The following ZNF385D variants were observed in gnomAD, a reference collection of about 807,000 sequenced individuals.
ZNF385D encodes the protein zinc finger protein 385D, also known as zinc finger protein 659.
ZNF385D carries 15 observed loss-of-function variants against 35.8 expected under a neutral mutation model. The ratio of observed to expected loss-of-function variants is 0.42; its 90% CI spans 0.28 to 0.64. The LOEUF (loss-of-function observed/expected upper bound fraction) is 0.64. Among genes scored for constraint, ZNF385D ranks in the 30% least tolerant of loss-of-function variants. ZNF385D has a pLI of 0.23. For missense variants in ZNF385D, 474 were observed against 494.6 expected (o/e 0.96, Z 0.39); for synonymous variants, 212 against 186.8 (o/e 1.13, Z -1.10).
chr3:21,569,312 T>C (rs1258202446), intron 2 of ZNF385D, among the ~76,000 whole-genome samples: 2 of 149,106 alleles, frequency 1.3e-5, no homozygotes, highest in African/African-American at 5.0e-5. Flanking sequence ...TTTACCATTA[T>C]GTAATGGCCT....
At chr3:21,455,062 G>A (rs1370070379) in intron 4 of ZNF385D, among the ~76,000 whole-genome samples, 4 of 151,958 alleles carry the variant, frequency 2.6e-5, no homozygotes, top group Non-Finnish European at 4.4e-5. Context: ...AGAACTACAA[G>A]CCACTGCTCA....
intron 3 of ZNF385D, among the ~76,000 whole-genome samples, chr3:21,945,145 C>CAT (rs1553704346): frequency 3.3e-5 from 5 of 151,138 alleles, no homozygotes; most frequent in Admixed American, 6.6e-5. Context: ...TATGTATATG[C>CAT]ATATATATAT....
intron 3 of ZNF385D, among the ~76,000 whole-genome samples, chr3:21,877,452 GACAGC>G (rs554557494): frequency 6.6e-6 from 1 of 152,054 alleles, no homozygotes; most frequent in Non-Finnish European, 1.5e-5. Context: ...TTAGAAGGAT[GACAGC>G]AGTGTCACAC....
chr3:22,319,138 A>G (rs1704059719), intron 2 of ZNF385D, among the ~76,000 whole-genome samples: 1 of 152,176 alleles, frequency 6.6e-6, no homozygotes, highest in Non-Finnish European at 1.5e-5. Flanking sequence ...ATCTTAAAAG[A>G]CAATAGATGA....
intron 2 of ZNF385D, among the ~76,000 whole-genome samples, chr3:22,367,615 C>A (rs532879197): frequency 3.3e-5 from 5 of 151,344 alleles, no homozygotes; most frequent in Non-Finnish European, 7.4e-5. Flanking sequence ...TTTCAGAATG[C>A]CTTCTGGAGT....
At chr3:22,131,425 G>A (rs1703779288) in intron 3 of ZNF385D, among the ~76,000 whole-genome samples, 1 of 152,044 alleles carries the variant, frequency 6.6e-6, no homozygotes, top group Non-Finnish European at 1.5e-5. Context: ...TTCTATAAGG[G>A]GAAAAGGAAT....
At chr3:22,113,970 C>A (rs1351482722) in intron 3 of ZNF385D, among the ~76,000 whole-genome samples, 1 of 151,992 alleles carries the variant, frequency 6.6e-6, no homozygotes, top group African/African-American at 2.4e-5. Context: ...CATCAGTTTA[C>A]CTTTAACATA....
At chr3:21,819,755 CATA>C (rs1390262795) in intron 3 of ZNF385D, among the ~76,000 whole-genome samples, 1 of 139,560 alleles carries the variant, frequency 7.2e-6, no homozygotes, top group African/African-American at 2.6e-5. Context: ...CACACGTACA[CATA>C]ATTATATATA....
At position 21,646,912 on chromosome 3, in the gene ZNF385D, T is replaced by C. The variant is rs1391390839; in HGVS notation, c.165+17974A>G. Reference sequence around the variant, plus strand: ...TCAATGAAATCAAGGCCAGACAGAATTGAGGACCAGTCCAAAGTTATTCTC... The same window carrying C: ...TCAATGAAATCAAGGCCAGACAGAACTGAGGACCAGTCCAAAGTTATTCTC... On this transcript the variant is annotated intron_variant, in intron 2 of 7. Coordinates refer to ENST00000281523, the MANE Select transcript of ZNF385D (RefSeq NM_024697.3). The surrounding 1 kb of genome is among the most constrained non-coding windows in gnomAD (Gnocchi z 4.3). Among the ~76,000 whole-genome samples the C allele has an allele frequency of 6.6e-6, 1 of 152,174 alleles. No individual in the cohort carries two copies. Among genetic ancestry groups the C allele is most frequent in the African/African-American group, 2.4e-5 (1 of 41,452 alleles).
chr3:22,097,205 G>T (rs73139384), intron 3 of ZNF385D, among the ~76,000 whole-genome samples: 489 of 152,176 alleles, frequency 3.2e-3, no homozygotes, highest in African/African-American at 0.012. Context: ...TGGCAAATAT[G>T]ATTATTTTTA....
chr3:22,063,311 C>A (rs571421904), intron 3 of ZNF385D, among the ~76,000 whole-genome samples: 61 of 152,202 alleles, frequency 4.0e-4, no homozygotes, highest in African/African-American at 1.3e-3. Flanking sequence ...CTTCCTTTTT[C>A]ATCAATGAGA....
intron 2 of ZNF385D, among the ~76,000 whole-genome samples, chr3:22,238,230 G>T (rs1442131104): frequency 1.3e-5 from 2 of 151,062 alleles, no homozygotes; most frequent in African/African-American, 4.9e-5. Flanking sequence ...TTTGCAATTG[G>T]AAAGTGCAAG....
chr3:21,544,786 AT>A (rs1432443758), intron 3 of ZNF385D, among the ~76,000 whole-genome samples: 5 of 152,182 alleles, frequency 3.3e-5, no homozygotes, highest in African/African-American at 1.2e-4. Context: ...GCAATCTGGA[AT>A]TCTGTTTCAT....
intron 3 of ZNF385D, among the ~76,000 whole-genome samples, chr3:21,967,130 T>C (rs60058607): frequency 0.14 from 21,785 of 152,228 alleles, 1,783 homozygotes; most frequent in Middle Eastern, 0.22. Context: ...AAAGTGGGTA[T>C]TGTAAAATAT....
intron 3 of ZNF385D, among the ~76,000 whole-genome samples, chr3:21,887,910 T>TA (rs1160966089): frequency 2.6e-5 from 4 of 152,176 alleles, no homozygotes; most frequent in African/African-American, 9.7e-5. Context: ...AGAAGGTTTT[T>TA]AAATGGGTTA....
intron 3 of ZNF385D, among the ~76,000 whole-genome samples, chr3:21,820,231 A>G (rs1475935811): frequency 1.3e-5 from 2 of 151,816 alleles, no homozygotes; most frequent in Admixed American, 6.6e-5. Context: ...AATCGTCTCA[A>G]TACGTTTCAG....
At chr3:21,948,760 G>A (rs1054870760) in intron 3 of ZNF385D, among the ~76,000 whole-genome samples, 8 of 151,986 alleles carry the variant, frequency 5.3e-5, no homozygotes, top group Non-Finnish European at 7.4e-5. Context: ...CTGTAAAAAC[G>A]TTGAAAAATA....
chr3:22,372,428 C>A (rs1696954980), intron 2 of ZNF385D: 3 of 985,032 alleles, frequency 3.0e-6, no homozygotes, highest in Non-Finnish European at 3.6e-6. Flanking sequence ...AACCGAGACA[C>A]CTCTTTTTGC....
intron 3 of ZNF385D, among the ~76,000 whole-genome samples, chr3:21,966,922 T>TG (rs1364928220): frequency 6.6e-6 from 1 of 152,232 alleles, no homozygotes; most frequent in Non-Finnish European, 1.5e-5. Context: ...TTACTTCTAA[T>TG]TTTTTAGAAT....
Sources: gnomAD v4.1 joint callset for allele counts (sites outside exome capture counted in the v4.1 genomes callset) on GRCh38, gnomAD v4.1.1 for gene constraint, Gnocchi (gnomAD v3.1) non-coding constraint, MANE v1.5 for transcripts, NCBI Gene and HGNC (gene_info 2026-07-23, HGNC 2026-07-21) for gene names.